Variants in PRICKLE1 observed in about 807,000 individuals in gnomAD.
The protein encoded by PRICKLE1 is prickle-like protein 1.
PRICKLE1 carries 14 observed loss-of-function variants against 70.2 expected under a neutral mutation model. The observed-to-expected ratio is 0.20, with a 90% CI of 0.13 to 0.31. The LOEUF is 0.31. Among genes scored for constraint, PRICKLE1 ranks in the 10% least tolerant of loss-of-function variants. PRICKLE1 has a pLI of 1.00. For missense variants in PRICKLE1, 821 were observed against 1,026.2 expected, an observed-to-expected ratio of 0.80 and a Z score of 2.73; for synonymous variants, 357 against 379.9, an observed-to-expected ratio of 0.94 and a Z score of 0.70.
intron 1 of PRICKLE1, among the ~76,000 whole-genome samples, chr12:42,554,561 G>C (rs557791163): frequency 1.6e-4 from 24 of 152,220 alleles, no homozygotes; most frequent in African/African-American, 5.5e-4. Flanking sequence ...TTTTAGACTC[G>C]TTTGCAGTTT....
At chr12:42,514,235 A>C (rs965612682) in intron 1 of PRICKLE1, among the ~76,000 whole-genome samples, 3 of 152,184 alleles carry the variant, frequency 2.0e-5, no homozygotes, top group African/African-American at 7.2e-5. Flanking sequence ...AAAAACAATT[A>C]GTTTCAGTTG....
rs893101456 is a variant in PRICKLE1, at chr12:42,466,296, G to A, written c.673C>T (p.Leu225=). 6.2e-7 allele frequency: 1 copy of A among 1,614,116 alleles called. No homozygotes were observed. The highest frequency in any genetic ancestry group is 1.7e-5 in the Admixed American group (1 of 60,000). The change falls in exon 6 of 8, where the codon CTG becomes TTG. Residue 225 remains leucine, a synonymous_variant. Transcript: ENST00000345127. The stretch of plus-strand genomic sequence containing the variant: ...TTCATGATATACCTCTGTCCTCCCA[G>A]GACCGTTTCACACTCAAGGCAGCAG... ...HFCCLECETV[L]GGQRYIMKDG... is the part of the protein sequence containing the mutation.
chr12:42,516,153 A>C (rs1762418120), intron 1 of PRICKLE1, among the ~76,000 whole-genome samples: 1 of 151,348 alleles, frequency 6.6e-6, no homozygotes, highest in Admixed American at 6.6e-5. Context: ...TTTTTTTGAG[A>C]CAGAGTCTCG....
At chr12:42,546,083 G>A (rs1050786339) in intron 1 of PRICKLE1, among the ~76,000 whole-genome samples, 2 of 151,986 alleles carry the variant, frequency 1.3e-5, no homozygotes, top group Non-Finnish European at 2.9e-5. Flanking sequence ...ATATATAGGA[G>A]ATCTTCCCTG....
intron 1 of PRICKLE1, among the ~76,000 whole-genome samples, chr12:42,527,585 C>A (rs1043008974): frequency 6.6e-6 from 1 of 152,166 alleles, no homozygotes; most frequent in Admixed American, 6.5e-5. Context: ...TCAGACTTTA[C>A]TGGGAGCCCA....
intron 1 of PRICKLE1, among the ~76,000 whole-genome samples, chr12:42,553,230 G>A (rs1378999537): frequency 6.6e-6 from 1 of 152,124 alleles, no homozygotes; most frequent in African/African-American, 2.4e-5. Context: ...ATCACCTGAG[G>A]TTAGGAGATA....
chr12:42,473,654 T>C (rs1245261003), intron 1 of PRICKLE1, among the ~76,000 whole-genome samples: 2 of 152,098 alleles, frequency 1.3e-5, no homozygotes, highest in Non-Finnish European at 2.9e-5. Flanking sequence ...GAAAGAAAAT[T>C]ATAGATAATT....
At chr12:42,568,572 A>C (rs1415756834) in intron 1 of PRICKLE1, among the ~76,000 whole-genome samples, 1 of 152,282 alleles carries the variant, frequency 6.6e-6, no homozygotes, top group Non-Finnish European at 1.5e-5. Context: ...TTGATGAATA[A>C]AATGAAATGA....
In PRICKLE1 at chr12:42,589,643, G is replaced by C. The variant is rs1484185949; in HGVS notation, c.-227C>G. ...TCCGTGCCGACCGCGGCGCGTCTCG[G>C]GGAAGTCAGCGCAGGCTGCGCGAGG... is the stretch of plus-strand genomic sequence containing the variant. On this transcript the variant is annotated 5_prime_UTR_variant, in exon 1 of 8. Coordinates refer to ENST00000345127, the MANE Select transcript of PRICKLE1 (RefSeq NM_153026.3). The surrounding 1 kb of genome is among the most constrained non-coding windows in gnomAD (Gnocchi z 5.0). 6.6e-6 allele frequency: 1 copy of C among 152,172 alleles called. No individual in the cohort carries two copies. Among genetic ancestry groups the C allele is most frequent in the Non-Finnish European group, 1.5e-5 (1 of 68,040 alleles). 9.4% of individuals were successfully genotyped at this position (152,172 alleles called of 1,614,324 possible). A position where few individuals can be genotyped will look rare whatever the true frequency, so the allele number is the denominator to read the frequency against.
rs561159528 is a variant in PRICKLE1 at position 42,500,671 on chromosome 12, T to A, written c.-48-28107A>T. Among the ~76,000 whole-genome samples the A allele has an allele frequency of 8.5e-5, 13 of 152,166 alleles. No individual in the cohort carries two copies. The East Asian group carries it at 2.5e-3, about 29-fold the overall frequency. On this transcript the variant is annotated intron_variant, in intron 1 of 7. Coordinates refer to ENST00000345127, the MANE Select transcript of PRICKLE1 (RefSeq NM_153026.3). ...ACATTTTTCATTAATTTTCTTTTTT[T>A]TTTTTTACTAAAATCTTTCAGTTTC...
intron 1 of PRICKLE1, among the ~76,000 whole-genome samples, chr12:42,561,111 C>T (rs149656823): frequency 2.6e-5 from 4 of 152,264 alleles, no homozygotes; most frequent in African/African-American, 9.6e-5. Context: ...TAGACTTCAA[C>T]AAACCAACAC....
At chr12:42,533,792 C>A (rs1337242781) in intron 1 of PRICKLE1, among the ~76,000 whole-genome samples, 1 of 152,124 alleles carries the variant, frequency 6.6e-6, no homozygotes, top group Admixed American at 6.5e-5. Context: ...ACACGCATGG[C>A]ACTCACTTCA....
At chr12:42,587,094 A>T (rs1357104895) in intron 1 of PRICKLE1, among the ~76,000 whole-genome samples, 1 of 152,206 alleles carries the variant, frequency 6.6e-6, no homozygotes, top group African/African-American at 2.4e-5. Flanking sequence ...TGATTATAAA[A>T]ACATAATAAG....
intron 1 of PRICKLE1, among the ~76,000 whole-genome samples, chr12:42,492,247 G>A (rs12297081): frequency 0.037 from 5,693 of 152,214 alleles, 354 homozygotes; most frequent in African/African-American, 0.13. Context: ...GATTACAGGC[G>A]TGAGGCACTA....
chr12:42,467,258 A>T (rs2140108927), intron 5 of PRICKLE1, among the ~76,000 whole-genome samples: 1 of 152,098 alleles, frequency 6.6e-6, no homozygotes. Flanking sequence ...CTGGGACTAA[A>T]GGTGCATGCC....
intron 1 of PRICKLE1, among the ~76,000 whole-genome samples, chr12:42,530,949 G>A (rs898755042): frequency 3.3e-5 from 5 of 151,052 alleles, no homozygotes; most frequent in African/African-American, 1.2e-4. Flanking sequence ...GGGATTACAG[G>A]CATAAGCCAC....
chr12:42,477,480 GTGTATA>G (rs1938604994), intron 1 of PRICKLE1, among the ~76,000 whole-genome samples: 1 of 69,040 alleles, frequency 1.4e-5, no homozygotes, highest in African/African-American at 3.6e-5. Context: ...GTGTGTGTGT[GTGTATA>G]TATATATATA....
intron 1 of PRICKLE1, among the ~76,000 whole-genome samples, chr12:42,570,422 T>C (rs1188671915): frequency 6.6e-6 from 1 of 152,216 alleles, no homozygotes; most frequent in African/African-American, 2.4e-5. Context: ...TATTTCTCTT[T>C]CTAGAAAACA....
intron 1 of PRICKLE1, among the ~76,000 whole-genome samples, chr12:42,484,702 C>T (rs1054960262): frequency 2.0e-5 from 3 of 152,170 alleles, no homozygotes; most frequent in African/African-American, 7.2e-5. Context: ...GTGTCCCATA[C>T]TGAAGCTAAT....
Sources: gnomAD v4.1 joint callset for allele counts (sites outside exome capture counted in the v4.1 genomes callset) on GRCh38, gnomAD v4.1.1 for gene constraint, Gnocchi (gnomAD v3.1) non-coding constraint, MANE v1.5 for transcripts, NCBI Gene and HGNC (gene_info 2026-07-23, HGNC 2026-07-21) for gene names.